Variants in FREM3 observed in about 807,000 individuals in gnomAD.
The protein encoded by FREM3 is FRAS1 related extracellular matrix 3, also known as FRAS1-related extracellular matrix protein 3.
FREM3 carries 105 observed loss-of-function variants against 129.1 expected under a neutral mutation model. The observed-to-expected ratio is 0.81, with a 90% confidence interval of 0.69 to 0.96. FREM3 has a LOEUF of 0.96. Ranked by LOEUF, FREM3 falls within the 40% of genes least tolerant of loss-of-function variation. The probability of loss-of-function intolerance (pLI) is 0.00; values close to 1 mark genes in which losing one functional copy is unlikely to be tolerated. For synonymous variants in FREM3, 1,014 were observed against 1,044.9 expected, an observed-to-expected ratio of 0.97 and a Z score of 0.57; for missense variants, 2,593 against 2,666.3, an observed-to-expected ratio of 0.97 and a Z score of 0.61.
chr4:143,592,187 T>C (rs1738376650), intron 6 of FREM3, among the ~76,000 whole-genome samples: 1 of 152,168 alleles, frequency 6.6e-6, no homozygotes, highest in Non-Finnish European at 1.5e-5. Context: ...GTCTTGACGC[T>C]TTATCTAATT....
intron 2 of FREM3, among the ~76,000 whole-genome samples, chr4:143,637,367 A>G (rs1040933402): frequency 3.3e-5 from 5 of 152,100 alleles, no homozygotes; most frequent in African/African-American, 9.7e-5. Flanking sequence ...CTAGGTCTCC[A>G]TTTTCTTCCT....
chr4:143,628,369 T>C (rs1463507303), intron 2 of FREM3, among the ~76,000 whole-genome samples: 3 of 152,158 alleles, frequency 2.0e-5, no homozygotes, highest in African/African-American at 7.2e-5. Flanking sequence ...GTCACTGGCC[T>C]CTTTCTGAAA....
Position 143,698,004 on chromosome 4 carries a change from A to G in FREM3, c.2672T>C (p.Met891Thr). 2 of 1,537,448 alleles carry G rather than the reference A, an allele frequency of 1.3e-6. No homozygotes were observed. The highest frequency in any genetic ancestry group is 1.7e-6 in the Non-Finnish European group (2 of 1,146,974). The change falls in exon 1 of 8, where the codon ATG becomes ACG. Residue 891 changes from methionine to threonine, a missense_variant. Met to Thr is a moderately conservative substitution (Grantham distance 81, BLOSUM62 -1). Transcript: ENST00000329798. ...KRCMVPGESFMQADVINGSVS... is the reference protein window; with the variant it reads ...KRCMVPGESFTQADVINGSVS... ...ACTCCCGTTAATAACATCAGCTTGC[A>G]TGAAAGATTCCCCTGGGACCATACA...
At chr4:143,581,124 A>C (rs6819963) in intron 7 of FREM3, among the ~76,000 whole-genome samples, 149,930 of 152,272 alleles carry the variant, frequency 0.98, 73,843 homozygotes, top group East Asian at 1. Context: ...GTGCAGCAGG[A>C]TTATAGAAAA....
At chr4:143,613,099 G>A (rs1243383040) in intron 5 of FREM3, among the ~76,000 whole-genome samples, 1 of 152,184 alleles carries the variant, frequency 6.6e-6, no homozygotes, top group African/African-American at 2.4e-5. Context: ...TGTTTTGCTC[G>A]GAAGGGCACT....
chr4:143,653,022 A>G (rs1739539101), intron 2 of FREM3, among the ~76,000 whole-genome samples: 1 of 152,086 alleles, frequency 6.6e-6, no homozygotes. Flanking sequence ...ATAGGGCTTG[A>G]CTCTATTTTT....
At position 143,696,265 on chromosome 4, in the gene FREM3, C is replaced by T. The variant is rs1252726587; in HGVS notation, c.4411G>A (p.Gly1471Ser). The change falls in exon 1 of 8, where the codon GGT becomes AGT. Residue 1471 changes from glycine to serine, a missense_variant. Gly to Ser is a moderately conservative substitution (Grantham distance 56). Coordinates refer to ENST00000329798, the MANE Select transcript of FREM3 (RefSeq NM_001168235.2). Reference protein sequence around the residue: ...HFSITRAPSLGHLESSDYAGE... With the variant: ...HFSITRAPSLSHLESSDYAGE... ...GCATAGTCAGAACTTTCTAAGTGAC[C>T]CAGGCTTGGAGCCCGTGTAATGCTA... The T allele has an allele frequency of 1.3e-6, 2 of 1,537,582 alleles. No homozygotes were observed. The highest frequency in any genetic ancestry group is 1.7e-6 in the Non-Finnish European group (2 of 1,146,988).
chr4:143,695,208 A>G (rs1740542793), intron 1 of FREM3, among the ~76,000 whole-genome samples: 1 of 152,214 alleles, frequency 6.6e-6, no homozygotes, highest in African/African-American at 2.4e-5. Flanking sequence ...ATCTTCTAAT[A>G]TTTCAGAAGC....
Position 143,700,639 on chromosome 4 carries a change from G to A in FREM3, c.37C>T (p.Arg13Trp). The change falls in exon 1 of 8, where the codon CGG becomes TGG. Residue 13 changes from arginine (R) to tryptophan (W), a missense_variant. Physicochemically the swap from Arg to Trp is moderately radical, Grantham distance 101. This residue lies in a region of FREM3 where 2,276 missense variants were observed against 2,267.2 expected (regional missense o/e 1.00). Transcript: ENST00000329798. ...CAGGCGAGCGCCACAAGGAGCTGCC[G>A]GGGCGTCCCAGTCGGGTGCCGAGAA... ...GASRHPTGTPRQLLVALACLL... is the reference protein window; with the variant it reads ...GASRHPTGTPWQLLVALACLL... The A allele has an allele frequency of 7.0e-7, 1 of 1,438,706 alleles. No homozygotes were observed. The highest frequency in any genetic ancestry group is 9.1e-7 in the Non-Finnish European group (1 of 1,100,560). 89.1% of individuals were successfully genotyped at this position (1,438,706 alleles called of 1,614,324 possible). A position where few individuals can be genotyped will look rare whatever the true frequency, so the allele number is the denominator to read the frequency against.
intron 5 of FREM3, among the ~76,000 whole-genome samples, chr4:143,614,610 T>A (rs1213336120): frequency 6.6e-6 from 1 of 152,150 alleles, no homozygotes; most frequent in Non-Finnish European, 1.5e-5. Context: ...TTTGCAGAGG[T>A]AGATTATGAG....
intron 2 of FREM3, among the ~76,000 whole-genome samples, chr4:143,666,050 G>T (rs1284378695): frequency 6.6e-6 from 1 of 152,082 alleles, no homozygotes; most frequent in East Asian, 1.9e-4. Context: ...TATATTGATT[G>T]CTCTTCTTAG....
chr4:143,639,329 C>T (rs2047331992), intron 2 of FREM3, among the ~76,000 whole-genome samples: 3 of 152,068 alleles, frequency 2.0e-5, no homozygotes, highest in African/African-American at 4.8e-5. Flanking sequence ...GTCAGCATGT[C>T]GTGGGAACAG....
At chr4:143,592,291 G>T (rs1738379053) in intron 6 of FREM3, among the ~76,000 whole-genome samples, 1 of 151,930 alleles carries the variant, frequency 6.6e-6, no homozygotes, top group Non-Finnish European at 1.5e-5. Flanking sequence ...TTATGATGTT[G>T]GCTGGTTATT....
chr4:143,641,927 G>T (rs1739326675), intron 2 of FREM3, among the ~76,000 whole-genome samples: 1 of 152,096 alleles, frequency 6.6e-6, no homozygotes. Flanking sequence ...GGTCTGTTAG[G>T]CATCATTTTG....
At chr4:143,673,377 G>A (rs896653635) in intron 2 of FREM3, among the ~76,000 whole-genome samples, 2 of 152,154 alleles carry the variant, frequency 1.3e-5, no homozygotes, top group Non-Finnish European at 2.9e-5. Flanking sequence ...TGATTGCCTG[G>A]GTATCACGAG....
At chr4:143,663,767 G>T (rs930809990) in intron 2 of FREM3, among the ~76,000 whole-genome samples, 3 of 152,010 alleles carry the variant, frequency 2.0e-5, no homozygotes, top group African/African-American at 7.2e-5. Context: ...CATATTTCTT[G>T]GAGGCTTTGT....
intron 2 of FREM3, among the ~76,000 whole-genome samples, chr4:143,656,185 T>C (rs867347569): frequency 2.2e-4 from 33 of 152,268 alleles, no homozygotes; most frequent in African/African-American, 7.2e-4. Flanking sequence ...AATCCATTGT[T>C]TTTCTATCAG....
At position 143,664,705 on chromosome 4, in the gene FREM3, G is replaced by A. The variant is rs566520071; in HGVS notation, c.5275+28408C>T. On this transcript the variant is annotated intron_variant, in intron 2 of 7. Transcript: ENST00000329798. ...TGCCCCCAGAGGTGGAGCCTACAGA[G>A]GCAGGCAGGCCTCCTTGAGCTGTGG... Among the ~76,000 whole-genome samples, 1,083 of 152,266 alleles carry A rather than the reference G, an allele frequency of 7.1e-3. 15 individuals are homozygous for A. The highest frequency in any genetic ancestry group is 0.024 in the African/African-American group (997 of 41,584).
At chr4:143,690,602 G>A (rs906418549) in intron 2 of FREM3, among the ~76,000 whole-genome samples, 1 of 152,090 alleles carries the variant, frequency 6.6e-6, no homozygotes, top group Non-Finnish European at 1.5e-5. Context: ...TTAGTGCTAT[G>A]TGCTATTAGG....
Sources: allele counts gnomAD v4.1 joint callset (sites outside exome capture counted in the v4.1 genomes callset), GRCh38; gene constraint gnomAD v4.1.1; regional missense constraint gnomAD v4.1.1; transcripts MANE v1.5; gene names NCBI Gene and HGNC (gene_info 2026-07-23, HGNC 2026-07-21).